Variants in NFIA observed in about 807,000 individuals in gnomAD.
The protein encoded by NFIA is nuclear factor I A.
In NFIA, 8 loss-of-function variants were observed where a neutral mutation model predicts 62.8. The observed-to-expected ratio is 0.13, with a 90% CI of 0.07 to 0.23. The LOEUF is 0.23. Among genes scored for constraint, NFIA ranks in the 10% least tolerant of loss-of-function variants. The pLI is 1.00. For synonymous variants in NFIA, 235 were observed against 238.1 expected (o/e 0.99, Z 0.12); for missense variants, 410 against 642.1 (o/e 0.64, Z 3.91).
chr1:61,122,460 T>A (rs1467812747), intron 2 of NFIA, among the ~76,000 whole-genome samples: 2 of 152,198 alleles, frequency 1.3e-5, no homozygotes, highest in Non-Finnish European at 1.5e-5. Flanking sequence ...ACACCCTACC[T>A]ACTATTCTCT....
intron 9 of NFIA, among the ~76,000 whole-genome samples, chr1:61,424,982 C>T (rs530655796): frequency 1.1e-4 from 16 of 152,310 alleles, no homozygotes; most frequent in East Asian, 1.9e-4. Context: ...CATTGCTAGA[C>T]AGTATGACAT....
intron 9 of NFIA, among the ~76,000 whole-genome samples, chr1:61,424,487 G>A (rs915343572): frequency 1.3e-5 from 2 of 151,932 alleles, no homozygotes; most frequent in African/African-American, 4.8e-5. Context: ...GTTCTATCAG[G>A]GCCATCAAAC....
intron 3 of NFIA, among the ~76,000 whole-genome samples, chr1:61,307,007 C>T (rs769417985): frequency 6.6e-6 from 1 of 152,142 alleles, no homozygotes; most frequent in Non-Finnish European, 1.5e-5. Flanking sequence ...AGGAAAAATT[C>T]AGAAAGTATT....
At position 61,406,588 on chromosome 1, in the gene NFIA, G is replaced by T; in HGVS notation, c.1281G>T (p.Val427=). 1.4e-6 allele frequency: 2 copies of T among 1,442,836 alleles called. No homozygotes were observed. Among genetic ancestry groups the T allele is most frequent in the African/African-American group, 1.6e-5 (1 of 63,156 alleles). The allele number at this position is 1,442,836 out of a possible 1,614,324, so 89.4% of individuals were successfully genotyped here. ...LNPNGSSQGK[V]HNPFLPTPML... is the part of the protein sequence containing the mutation. ...CCAATGGGAGCAGCCAAGGCAAGGT[G>T]CACAACCCATTCCTTCCCACCCCAA... The change falls in exon 9 of 11, where the codon GTG becomes GTT. Residue 427 remains valine (V), a synonymous_variant. Coordinates refer to ENST00000403491, the MANE Select transcript of NFIA (RefSeq NM_001134673.4).
intron 2 of NFIA, among the ~76,000 whole-genome samples, chr1:61,193,834 G>A (rs1022899453): frequency 3.3e-5 from 5 of 152,100 alleles, no homozygotes; most frequent in African/African-American, 9.7e-5. Context: ...AATACCAAAA[G>A]GCAAACATCC....
chr1:61,077,265 CAA>C, upstream of NFIA: 2 of 226,788 alleles, frequency 8.8e-6, no homozygotes, highest in East Asian at 9.0e-5. Context: ...GCAACTTCTG[CAA>C]AGTCTCGTAC....
intron 10 of NFIA, among the ~76,000 whole-genome samples, chr1:61,442,753 A>G (rs893759607): frequency 1.3e-5 from 2 of 152,230 alleles, no homozygotes; most frequent in African/African-American, 4.8e-5. Context: ...TGACTGACCA[A>G]TGAGAAATTA....
chr1:61,211,454 A>C (rs1653251348), intron 2 of NFIA, among the ~76,000 whole-genome samples: 1 of 152,220 alleles, frequency 6.6e-6, no homozygotes, highest in Admixed American at 6.5e-5. Context: ...TTTTTTAAAA[A>C]GATACCAAGC....
intron 2 of NFIA, among the ~76,000 whole-genome samples, chr1:61,092,540 T>C (rs1646339137): frequency 6.6e-6 from 1 of 152,206 alleles, no homozygotes; most frequent in Non-Finnish European, 1.5e-5. Context: ...GCCTGATACC[T>C]GTCCTATAAA....
intron 2 of NFIA, among the ~76,000 whole-genome samples, chr1:61,100,865 A>G (rs1240725969): frequency 1.3e-5 from 2 of 151,724 alleles, no homozygotes; most frequent in Non-Finnish European, 2.9e-5. Flanking sequence ...CAAAGTTCTG[A>G]GATTCTAAGT....
intron 4 of NFIA, among the ~76,000 whole-genome samples, chr1:61,350,967 G>C (rs1227366755): frequency 6.6e-6 from 1 of 152,160 alleles, no homozygotes; most frequent in African/African-American, 2.4e-5. Flanking sequence ...AATTTACAAT[G>C]ATTCCACTTA....
intron 2 of NFIA, among the ~76,000 whole-genome samples, chr1:61,213,600 T>C (rs1256019712): frequency 1.3e-5 from 2 of 152,210 alleles, no homozygotes; most frequent in Non-Finnish European, 2.9e-5. Context: ...TTTTACTGTT[T>C]TCCCAGGATA....
intron 2 of NFIA, among the ~76,000 whole-genome samples, chr1:61,222,229 C>G (rs1654059540): frequency 1.3e-5 from 2 of 152,036 alleles, no homozygotes; most frequent in Non-Finnish European, 2.9e-5. Flanking sequence ...GAAGCAACAC[C>G]TTTAAAGAAT....
At chr1:61,361,343 A>T (rs1663281250) in intron 6 of NFIA, among the ~76,000 whole-genome samples, 2 of 152,194 alleles carry the variant, frequency 1.3e-5, no homozygotes. Context: ...TGAAAAGTTT[A>T]TGTGCTATTA....
chr1:61,182,565 G>T (rs1650827677), intron 2 of NFIA, among the ~76,000 whole-genome samples: 1 of 152,178 alleles, frequency 6.6e-6, no homozygotes, highest in Non-Finnish European at 1.5e-5. Context: ...TTTGTGTAGG[G>T]ACGTAAAATC....
chr1:61,103,701 T>A (rs191174759), intron 2 of NFIA, among the ~76,000 whole-genome samples: 11 of 152,288 alleles, frequency 7.2e-5, no homozygotes, highest in Admixed American at 7.2e-4. Context: ...ATCTTAAAAC[T>A]AGGTAACATA....
chr1:61,201,123 T>C (rs1232543331), intron 2 of NFIA, among the ~76,000 whole-genome samples: 1 of 152,198 alleles, frequency 6.6e-6, no homozygotes, highest in Non-Finnish European at 1.5e-5. Flanking sequence ...CTCACATACT[T>C]TCTCAGATTT....
intron 2 of NFIA, among the ~76,000 whole-genome samples, chr1:61,129,963 T>A (rs1164739197): frequency 6.6e-6 from 1 of 152,056 alleles, no homozygotes; most frequent in Non-Finnish European, 1.5e-5. Flanking sequence ...CCTGTTAGAG[T>A]TAGAATCTTG....
At chr1:61,166,876 T>A (rs1352787389) in intron 2 of NFIA, among the ~76,000 whole-genome samples, 1 of 152,206 alleles carries the variant, frequency 6.6e-6, no homozygotes, top group African/African-American at 2.4e-5. Flanking sequence ...GCGCAGTGGC[T>A]CACGCCTGTA....
Sources: allele counts gnomAD v4.1 joint callset (sites outside exome capture counted in the v4.1 genomes callset), GRCh38; gene constraint gnomAD v4.1.1; transcripts MANE v1.5; gene names NCBI Gene and HGNC (gene_info 2026-07-23, HGNC 2026-07-21).